Variants in PCSK5 observed in about 807,000 individuals in gnomAD.
PCSK5 encodes the protein proprotein convertase subtilisin/kexin type 5, also known as prohormone convertase 5.
Under a neutral mutation model 233.2 loss-of-function variants are expected in PCSK5, and 129 were observed. That is an observed-to-expected ratio of 0.55 (90% CI 0.48 to 0.64). PCSK5 has a LOEUF of 0.64. PCSK5 is among the 30% of genes least tolerant of loss of function. The pLI, the probability that PCSK5 is intolerant of heterozygous loss-of-function variation, is 0.00. For synonymous variants in PCSK5, 825 were observed against 879.2 expected (o/e 0.94, Z 1.09); for missense variants, 2,076 against 2,430.1 (o/e 0.85, Z 3.06).
intron 20 of PCSK5, among the ~76,000 whole-genome samples, chr9:76,197,019 T>C (rs7031594): frequency 0.13 from 19,184 of 152,192 alleles, 1,294 homozygotes; most frequent in Middle Eastern, 0.19. Flanking sequence ...AGAGCTAGAA[T>C]TGGTCCCTGA....
At chr9:76,263,634 G>C (rs184840651) in intron 24 of PCSK5, among the ~76,000 whole-genome samples, 1 of 151,848 alleles carries the variant, frequency 6.6e-6, no homozygotes, top group Non-Finnish European at 1.5e-5. Flanking sequence ...GTTGTGGGGT[G>C]GGGGGAGTGG....
At chr9:76,223,656 G>C (rs1358524439) in intron 20 of PCSK5, among the ~76,000 whole-genome samples, 1 of 152,166 alleles carries the variant, frequency 6.6e-6, no homozygotes, top group African/African-American at 2.4e-5. Flanking sequence ...TTGATCACAG[G>C]AGAAAGATGA....
In PCSK5 at chr9:76,351,503, A is replaced by G. The variant is rs185020104; in HGVS notation, c.5067+575A>G. ...AAGAAAGAAAGAAAGAAAGAAAGAAAGAAAGAAAGAAAGAAAGAAAGAAAG... is the reference window on the plus strand; with the variant it reads ...AAGAAAGAAAGAAAGAAAGAAAGAAGGAAAGAAAGAAAGAAAGAAAGAAAG... On this transcript the variant is annotated intron_variant, in intron 36 of 37. Coordinates refer to ENST00000674117, the MANE Select transcript of PCSK5 (RefSeq NM_001372043.1). 4.7e-3 allele frequency among the ~76,000 whole-genome samples: 266 copies of G among 56,218 alleles called. 1 individual carries two copies. Among genetic ancestry groups the G allele is most frequent in the Middle Eastern group, 0.011 (2 of 188 alleles). The allele number at this position is 56,218 out of a possible 152,430, so 36.9% of individuals were successfully genotyped here.
intron 20 of PCSK5, among the ~76,000 whole-genome samples, chr9:76,211,614 G>A (rs991437865): frequency 2.0e-5 from 3 of 152,224 alleles, no homozygotes; most frequent in East Asian, 1.9e-4. Flanking sequence ...TGGGGAGGCT[G>A]AGGTGGGAGG....
intron 1 of PCSK5, among the ~76,000 whole-genome samples, chr9:75,907,806 C>T (rs1412466558): frequency 6.6e-6 from 1 of 152,164 alleles, no homozygotes; most frequent in African/African-American, 2.4e-5. Context: ...AAACAATTTC[C>T]AATCACGGGC....
Position 76,359,013 on chromosome 9 carries a change from G to A in PCSK5, c.*91G>A, listed in dbSNP as rs1830376109. ...GGTTTTATCCCCACACCAGGCTGAT[G>A]TGTGAGTTTTTCTATTTGTCTTCTT... On this transcript the variant is annotated 3_prime_UTR_variant, in exon 38 of 38. Coordinates refer to ENST00000674117, the MANE Select transcript of PCSK5 (RefSeq NM_001372043.1). 2.9e-6 allele frequency: 3 copies of A among 1,018,176 alleles called. No homozygotes were observed. The highest frequency in any genetic ancestry group is 4.4e-6 in the Non-Finnish European group (3 of 686,790). The allele number at this position is 1,018,176 out of a possible 1,614,324, so 63.1% of individuals were successfully genotyped here.
intron 20 of PCSK5, among the ~76,000 whole-genome samples, chr9:76,226,471 T>C (rs1183988830): frequency 6.6e-6 from 1 of 152,184 alleles, no homozygotes. Context: ...ATCTTGGAGT[T>C]GCAGTAAGAC....
In PCSK5 at chr9:76,362,953, C is replaced by T. The variant is rs150856604; in HGVS notation, c.*4031C>T. 5.3e-5 allele frequency among the ~76,000 whole-genome samples: 8 copies of T among 152,262 alleles called. No homozygotes were observed. Among genetic ancestry groups the T allele is most frequent in the Non-Finnish European group, 8.8e-5 (6 of 68,018 alleles). ...CAGGAGTCTTGCCGATGCTCCTGGC[C>T]GAATAAACTGCTCCTTCTTTAACTC... On this transcript the variant is annotated 3_prime_UTR_variant, in exon 38 of 38. Transcript: ENST00000674117.
chr9:76,302,074 T>A, intron 27 of PCSK5, 63 bp from the exon 28 acceptor site: 1 of 762,858 alleles, frequency 1.3e-6, no homozygotes, highest in Admixed American at 3.4e-5. Flanking sequence ...ATAGGTGAAG[T>A]TTATCTTCTT....
chr9:75,948,380 A>G lies in PCSK5; in HGVS notation c.297+15897A>G, dbSNP rs866206789. Among the ~76,000 whole-genome samples, 50 of 124,772 alleles carry G rather than the reference A, an allele frequency of 4.0e-4. 1 individual carries two copies. The highest frequency in any genetic ancestry group is 1.5e-3 in the African/African-American group (49 of 31,782). The allele number at this position is 124,772 out of a possible 152,430, so 81.9% of individuals were successfully genotyped here. A position where few individuals can be genotyped will look rare whatever the true frequency, so the allele number is the denominator to read the frequency against. On this transcript the variant is annotated intron_variant, in intron 2 of 37. Transcript: ENST00000674117. ...CTGTGTCCATGTGTTCTCATTGTTC[A>G]CCTCCCACCTATGAGTGAGAATGTG...
chr9:76,166,882 C>G (rs1823108508), intron 12 of PCSK5, among the ~76,000 whole-genome samples: 1 of 152,138 alleles, frequency 6.6e-6, no homozygotes, highest in South Asian at 2.1e-4. Context: ...CTCCTCTTCC[C>G]CTTCTCTGTT....
intron 3 of PCSK5, among the ~76,000 whole-genome samples, chr9:75,994,131 G>A (rs551473783): frequency 3.9e-5 from 6 of 152,106 alleles, no homozygotes; most frequent in Admixed American, 6.6e-5. Context: ...GCACTTTTCC[G>A]AACCAAATTC....
rs367815801 is a variant in PCSK5 at position 76,189,145 on chromosome 9, A to G, written c.2432A>G (p.Asp811Gly). The G allele has an allele frequency of 6.2e-6, 10 of 1,612,886 alleles. No homozygotes were observed. Among genetic ancestry groups the G allele is most frequent in the African/African-American group, 2.7e-5 (2 of 74,892 alleles). The change falls in exon 19 of 38, where the codon GAT becomes GGT. Residue 811 changes from aspartate (D) to glycine (G), a missense_variant. Asp to Gly is a moderately conservative substitution (Grantham distance 94). This residue lies in a region of PCSK5 where 1,510 missense variants were observed against 1,538.1 expected (regional missense o/e 0.98). Coordinates refer to ENST00000674117, the MANE Select transcript of PCSK5 (RefSeq NM_001372043.1). ...INCTEGYFME[D>G]GRCVQSCSIS... ...TGCACAGAGGGCTACTTCATGGAGG[A>G]TGGGAGATGCGTGCAGAGCTGTAGT...
chr9:76,056,489 AAT>A (rs1307613965), intron 5 of PCSK5, among the ~76,000 whole-genome samples: 1 of 152,216 alleles, frequency 6.6e-6, no homozygotes. Flanking sequence ...CACTTCACCT[AAT>A]TTGTATGTGT....
chr9:75,920,745 G>T (rs1823220535), intron 1 of PCSK5, among the ~76,000 whole-genome samples: 1 of 152,068 alleles, frequency 6.6e-6, no homozygotes, highest in Non-Finnish European at 1.5e-5. Flanking sequence ...AGCGGAGGTT[G>T]CAGAGAGCCG....
At chr9:76,015,615 G>T (rs1333916674) in intron 3 of PCSK5, among the ~76,000 whole-genome samples, 1 of 152,124 alleles carries the variant, frequency 6.6e-6, no homozygotes, top group East Asian at 1.9e-4. Flanking sequence ...AAAACACTGG[G>T]TTTTCATTGA....
At chr9:76,112,184 C>G (rs956027924) in intron 9 of PCSK5, among the ~76,000 whole-genome samples, 2 of 152,094 alleles carry the variant, frequency 1.3e-5, no homozygotes, top group Non-Finnish European at 2.9e-5. Flanking sequence ...GTTCAGTAAT[C>G]AAGAAATGTT....
intron 1 of PCSK5, among the ~76,000 whole-genome samples, chr9:75,929,256 A>T (rs77206761): frequency 0.062 from 9,481 of 152,158 alleles, 310 homozygotes; most frequent in Middle Eastern, 0.11. Flanking sequence ...TAGGCCATTC[A>T]TTCAGCAGTC....
At chr9:76,178,720 A>G (rs947861711) in intron 14 of PCSK5, among the ~76,000 whole-genome samples, 2 of 152,334 alleles carry the variant, frequency 1.3e-5, no homozygotes, top group Admixed American at 6.5e-5. Flanking sequence ...GCTAGTTAAA[A>G]TCATATGAAT....
Sources: gnomAD v4.1 joint callset for allele counts (sites outside exome capture counted in the v4.1 genomes callset) on GRCh38, gnomAD v4.1.1 for gene constraint, gnomAD v4.1.1 regional missense constraint, MANE v1.5 for transcripts, NCBI Gene and HGNC (gene_info 2026-07-23, HGNC 2026-07-21) for gene names.